ADAD1: variants seen among roughly 807,000 people sequenced by gnomAD.
ADAD1 encodes the protein adenosine deaminase domain containing 1.
Under a neutral mutation model 66.8 loss-of-function variants are expected in ADAD1, and 46 were observed. The ratio of observed to expected loss-of-function variants is 0.69; its 90% CI spans 0.54 to 0.88. The LOEUF is 0.88. Ranked by LOEUF, ADAD1 falls within the 40% of genes least tolerant of loss-of-function variation. The pLI, the probability that ADAD1 is intolerant of heterozygous loss-of-function variation, is 0.00. For missense variants in ADAD1, 617 were observed against 681.8 expected, an observed-to-expected ratio of 0.91 and a Z score of 1.06; for synonymous variants, 248 against 229.4, an observed-to-expected ratio of 1.08 and a Z score of -0.73.
intron 12 of ADAD1, among the ~76,000 whole-genome samples, chr4:122,428,848 T>C (rs1797380476): frequency 6.6e-6 from 1 of 152,088 alleles, no homozygotes. Flanking sequence ...CCTCTATGAA[T>C]TCATTAAAAA....
chr4:122,392,160 C>G (rs1795480343), intron 5 of ADAD1, among the ~76,000 whole-genome samples: 1 of 152,170 alleles, frequency 6.6e-6, no homozygotes, highest in South Asian at 2.1e-4. Flanking sequence ...TAAAGTTCTG[C>G]TTATCTAAAA....
At chr4:122,391,491 C>A (rs948485399) in intron 5 of ADAD1, among the ~76,000 whole-genome samples, 4 of 152,218 alleles carry the variant, frequency 2.6e-5, no homozygotes, top group African/African-American at 9.6e-5. Context: ...TCCGCAGAGA[C>A]TATGGCCACC....
chr4:122,396,117 G>A, intron 6 of ADAD1, 135 bp from the exon 7 acceptor site: 1 of 672,688 alleles, frequency 1.5e-6, no homozygotes, highest in South Asian at 5.5e-5. Context: ...TCTCAGTCAT[G>A]ACCTAAATTA....
chr4:122,389,996 C>T (rs537782801), intron 5 of ADAD1, among the ~76,000 whole-genome samples: 3 of 152,220 alleles, frequency 2.0e-5, no homozygotes, highest in East Asian at 1.9e-4. Flanking sequence ...TGGCTCTTTC[C>T]GATTTTTCAT....
chr4:122,398,554 T>C (rs1240270638), intron 7 of ADAD1, among the ~76,000 whole-genome samples: 1 of 152,196 alleles, frequency 6.6e-6, no homozygotes, highest in African/African-American at 2.4e-5. Flanking sequence ...GTCTCCATAC[T>C]GTTTTCCATA....
At chr4:122,411,468 G>A in intron 9 of ADAD1, 76 bp downstream of exon 9, 1 of 1,387,742 alleles carries the variant, frequency 7.2e-7, no homozygotes, top group Non-Finnish European at 9.9e-7. Flanking sequence ...ACAGCAAATA[G>A]AACATATAAA....
intron 4 of ADAD1, among the ~76,000 whole-genome samples, chr4:122,382,250 T>A (rs1213647345): frequency 6.6e-6 from 1 of 152,176 alleles, no homozygotes; most frequent in African/African-American, 2.4e-5. Context: ...GACCTGTTGG[T>A]TGTTAATGGT....
chr4:122,388,407 C>A (rs1224595027), intron 5 of ADAD1, among the ~76,000 whole-genome samples: 1 of 152,080 alleles, frequency 6.6e-6, no homozygotes, highest in East Asian at 1.9e-4. Flanking sequence ...GGAGTCCTTC[C>A]TTTTCAATTG....
At chr4:122,410,913 A>G (rs1423228475) in intron 8 of ADAD1, among the ~76,000 whole-genome samples, 1 of 152,176 alleles carries the variant, frequency 6.6e-6, no homozygotes, top group African/African-American at 2.4e-5. Context: ...GGAAGAAGGG[A>G]GCAATCAGTA....
chr4:122,402,264 T>C (rs1233716074), intron 7 of ADAD1, among the ~76,000 whole-genome samples: 1 of 152,198 alleles, frequency 6.6e-6, no homozygotes, highest in Non-Finnish European at 1.5e-5. Flanking sequence ...AAGCTCAGTT[T>C]TGCTAGATAC....
At chr4:122,401,148 T>C (rs1442191000) in intron 7 of ADAD1, among the ~76,000 whole-genome samples, 2 of 152,124 alleles carry the variant, frequency 1.3e-5, no homozygotes, top group Non-Finnish European at 2.9e-5. Flanking sequence ...TGCTATGAAC[T>C]TCCCGCTTAG....
At chr4:122,413,851 CATATATATAT>C (rs377322878) in intron 10 of ADAD1, among the ~76,000 whole-genome samples, 10 of 126,610 alleles carry the variant, frequency 7.9e-5, no homozygotes, top group African/African-American at 1.2e-4. Context: ...TATGATAGAT[CATATATATAT>C]ATATATATAT....
At chr4:122,399,719 G>T (rs1215824650) in intron 7 of ADAD1, among the ~76,000 whole-genome samples, 3 of 148,072 alleles carry the variant, frequency 2.0e-5, no homozygotes, top group Non-Finnish European at 3.0e-5. Flanking sequence ...CCTTGGTTAG[G>T]TATATTCCTA....
chr4:122,380,141 G>T lies in ADAD1; in HGVS notation c.72G>T (p.Leu24=). Residue 24 remains leucine, a synonymous_variant, in exon 3 of 13, where the codon CTG becomes CTT. Coordinates refer to ENST00000296513, the MANE Select transcript of ADAD1 (RefSeq NM_139243.4). ...TTGCCCAGATGCTGAAAAAGAACCT[G>T]CCAGTTCAACCAGCGACAAAGACGA... ...PSFAQMLKKN[L]PVQPATKTIT... is the part of the protein sequence containing the mutation. 3 of 1,614,108 alleles carry T rather than the reference G, an allele frequency of 1.9e-6. 1 individual carries two copies. Among genetic ancestry groups the T allele is most frequent in the East Asian group, 4.5e-5 (2 of 44,876 alleles).
intron 12 of ADAD1, among the ~76,000 whole-genome samples, chr4:122,422,333 C>G (rs868411550): frequency 6.6e-6 from 1 of 152,052 alleles, no homozygotes; most frequent in Admixed American, 6.6e-5. Flanking sequence ...CCATGTTGGC[C>G]GGGCTGGTCT....
chr4:122,423,174 A>T (rs1455679324), intron 12 of ADAD1, among the ~76,000 whole-genome samples: 2 of 152,028 alleles, frequency 1.3e-5, no homozygotes, highest in Non-Finnish European at 2.9e-5. Flanking sequence ...CTTTCAGAGG[A>T]GGTATACTTG....
chr4:122,397,186 G>A (rs934174997), intron 7 of ADAD1, among the ~76,000 whole-genome samples: 2 of 152,150 alleles, frequency 1.3e-5, no homozygotes, highest in Non-Finnish European at 2.9e-5. Context: ...TCTGTGTACA[G>A]GAGTAATACA....
chr4:122,415,206 C>A (rs1432756858), intron 10 of ADAD1, among the ~76,000 whole-genome samples, 173 bp from the exon 11 acceptor site: 1 of 151,974 alleles, frequency 6.6e-6, no homozygotes, highest in African/African-American at 2.4e-5. Context: ...TTACCTTGTT[C>A]TGGTTCTGAT....
chr4:122,412,844 C>T (rs905788627), intron 10 of ADAD1, 35 bp downstream of exon 10: 1 of 1,541,482 alleles, frequency 6.5e-7, no homozygotes, highest in Non-Finnish European at 8.9e-7. Context: ...GGGCCTCTCA[C>T]TCACTAAGCA....
Sources: gnomAD v4.1 joint callset for allele counts (sites outside exome capture counted in the v4.1 genomes callset) on GRCh38, gnomAD v4.1.1 for gene constraint, MANE v1.5 for transcripts, NCBI Gene and HGNC (gene_info 2026-07-23, HGNC 2026-07-21) for gene names.